DOCK1: variants seen among roughly 807,000 people sequenced by gnomAD.
DOCK1 encodes dedicator of cytokinesis protein 1.
DOCK1 carries 138 observed loss-of-function variants against 262.7 expected under a neutral mutation model. That is an observed-to-expected ratio of 0.53 (90% CI 0.46 to 0.61). The LOEUF is 0.61. DOCK1 is among the 20% of genes least tolerant of loss of function. DOCK1 has a pLI of 0.00. For missense variants in DOCK1, 1,908 were observed against 2,370.7 expected (o/e 0.80, Z 4.05); for synonymous variants, 866 against 867.4 (o/e 1.00, Z 0.03).
chr10:127,141,001 G>T (rs928113626), intron 27 of DOCK1, among the ~76,000 whole-genome samples: 2 of 152,182 alleles, frequency 1.3e-5, no homozygotes, highest in Admixed American at 6.5e-5. Flanking sequence ...CAGACCTGTG[G>T]TGGGAGTGTT....
intron 38 of DOCK1, among the ~76,000 whole-genome samples, chr10:127,389,933 G>A (rs1565050899): frequency 1.3e-5 from 2 of 151,634 alleles, no homozygotes; most frequent in South Asian, 2.1e-4. Context: ...AGAATCGCTT[G>A]AACCTGGGAG....
intron 3 of DOCK1, among the ~76,000 whole-genome samples, chr10:126,980,781 G>C (rs1460729582): frequency 1.3e-5 from 2 of 152,038 alleles, no homozygotes; most frequent in African/African-American, 2.4e-5. Context: ...AAGCCACAGG[G>C]GTGCCACTTT....
intron 1 of DOCK1, among the ~76,000 whole-genome samples, chr10:126,929,955 C>G (rs1413608024): frequency 6.6e-6 from 1 of 152,186 alleles, no homozygotes; most frequent in African/African-American, 2.4e-5. Context: ...ACCCATTTAG[C>G]AGTTTCTTCT....
Position 126,995,292 on chromosome 10 carries a change from C to G in DOCK1, c.474-1456C>G, listed in dbSNP as rs1322100975. 6.6e-6 allele frequency among the ~76,000 whole-genome samples: 1 copy of G among 152,146 alleles called. No individual in the cohort carries two copies. On this transcript the variant is annotated intron_variant, in intron 6 of 51. Coordinates refer to ENST00000623213, the MANE Select transcript of DOCK1 (RefSeq NM_001290223.2). This position sits in a 1 kb window ranked among gnomAD's most constrained non-coding sequence, Gnocchi z 5.8. ...CACTTTGGGAGGCCAAGGCAGGTGG[C>G]TGGGAGGTGGAGGTTGTAGCGAGCC...
rs779842600 is a variant in DOCK1, at chr10:127,012,272, A to G, written c.1099A>G (p.Met367Val). 6 of 1,613,276 alleles carry G rather than the reference A, an allele frequency of 3.7e-6. No homozygotes were observed. The highest frequency in any genetic ancestry group is 4.2e-6 in the Non-Finnish European group (5 of 1,179,390). The change falls in exon 12 of 52, where the codon ATG (methionine) becomes GTG (valine). Residue 367 changes from methionine to valine, a missense_variant. By Grantham distance (21) the Met-to-Val change is conservative. Transcript: ENST00000623213. This position sits in a 1 kb window ranked among gnomAD's most constrained non-coding sequence, Gnocchi z 4.0. ...CGCCATTCGACACAAGCCGCTGAAC[A>G]TGTCATCCCGTTTTTCACCCAGGGT... ...DDAIRHKPLN[M>V]SSRFSPRVAG... is the part of the protein sequence containing the mutation.
chr10:127,041,405 A>T (rs566612024), intron 19 of DOCK1, among the ~76,000 whole-genome samples: 1 of 152,126 alleles, frequency 6.6e-6, no homozygotes, highest in African/African-American at 2.4e-5. Context: ...GCCTGCTTTT[A>T]TGCCTTTTTA....
chr10:126,976,982 G>A (rs2038591822), intron 2 of DOCK1, among the ~76,000 whole-genome samples: 1 of 152,214 alleles, frequency 6.6e-6, no homozygotes, highest in South Asian at 2.1e-4. Context: ...TGATCCACCT[G>A]CCTTGGCCTC....
chr10:127,304,921 G>C (rs556307520), intron 29 of DOCK1, among the ~76,000 whole-genome samples: 4 of 152,258 alleles, frequency 2.6e-5, no homozygotes, highest in Admixed American at 1.3e-4. Flanking sequence ...ACTCACATAA[G>C]TGTACCTTAG....
chr10:127,136,030 CAAA>C (rs1422338473), intron 27 of DOCK1: 1 of 152,574 alleles, frequency 6.6e-6, no homozygotes, highest in African/African-American at 2.4e-5. Flanking sequence ...GTTCTTGCAC[CAAA>C]ATATTTCTCA....
At chr10:127,115,153 G>A (rs2049105867) in intron 25 of DOCK1, among the ~76,000 whole-genome samples, 1 of 152,158 alleles carries the variant, frequency 6.6e-6, no homozygotes, top group South Asian at 2.1e-4. Context: ...AATGTATGGT[G>A]GTAATACAGA....
intron 29 of DOCK1, among the ~76,000 whole-genome samples, chr10:127,325,390 T>A (rs2062708595): frequency 6.6e-6 from 1 of 152,230 alleles, no homozygotes; most frequent in African/African-American, 2.4e-5. Flanking sequence ...GGAACTGTTC[T>A]GGGCACTCTA....
chr10:126,982,052 A>G, intron 4 of DOCK1, 79 bp downstream of exon 4: 2 of 1,479,944 alleles, frequency 1.4e-6, no homozygotes, highest in Non-Finnish European at 1.9e-6. Flanking sequence ...CGATGGCGTA[A>G]TATGAGAGGG....
At chr10:127,415,338 G>A in intron 44 of DOCK1, 100 bp downstream of exon 44, 1 of 1,156,996 alleles carries the variant, frequency 8.6e-7, no homozygotes, top group Non-Finnish European at 1.2e-6. Flanking sequence ...CACTGTGGCA[G>A]CGTGCACACA....
chr10:126,933,358 C>T lies in DOCK1; in HGVS notation c.46+27795C>T, dbSNP rs989312620. On this transcript the variant is annotated intron_variant, in intron 1 of 51. Transcript: ENST00000623213. ...AAGATGAGAAATGATACTGTCTGTC[C>T]TTAAGGATTTAACTTTTGCCACTGT... Among the ~76,000 whole-genome samples the T allele has an allele frequency of 4.9e-3, 748 of 152,290 alleles. 27 individuals carry two copies. The highest frequency in any genetic ancestry group is 0.045 in the Admixed American group (693 of 15,290).
chr10:127,293,336 T>C (rs1368463146), intron 29 of DOCK1, among the ~76,000 whole-genome samples: 1 of 152,174 alleles, frequency 6.6e-6, no homozygotes, highest in Non-Finnish European at 1.5e-5. Flanking sequence ...AAGGAAAAAC[T>C]GCCCGACCAT....
At chr10:127,427,800 C>T (rs1418697238) in intron 47 of DOCK1, among the ~76,000 whole-genome samples, 1 of 152,224 alleles carries the variant, frequency 6.6e-6, no homozygotes, top group East Asian at 1.9e-4. Flanking sequence ...CCGCCTCTGC[C>T]GGGCATGACC....
chr10:127,442,454 C>T (rs967688586), intron 49 of DOCK1, among the ~76,000 whole-genome samples: 8 of 152,116 alleles, frequency 5.3e-5, no homozygotes, highest in Non-Finnish European at 7.4e-5. Flanking sequence ...ATTACTCCTG[C>T]GTCAGAGTAT....
At chr10:127,302,711 G>A (rs2061724276) in intron 29 of DOCK1, among the ~76,000 whole-genome samples, 1 of 151,352 alleles carries the variant, frequency 6.6e-6, no homozygotes, top group African/African-American at 2.4e-5. Context: ...TATGCATAGG[G>A]ACAGCTTTTC....
intron 5 of DOCK1, among the ~76,000 whole-genome samples, chr10:126,989,064 C>T (rs2039612110): frequency 8.2e-6 from 1 of 121,636 alleles, no homozygotes; most frequent in South Asian, 3.4e-4. Flanking sequence ...CAGAGCGAGA[C>T]CCCTTCTCAA....
Sources: allele counts gnomAD v4.1 joint callset (sites outside exome capture counted in the v4.1 genomes callset), GRCh38; gene constraint gnomAD v4.1.1; non-coding constraint Gnocchi (gnomAD v3.1); transcripts MANE v1.5; gene names NCBI Gene and HGNC (gene_info 2026-07-23, HGNC 2026-07-21).